Variants in REPS1 observed in about 807,000 individuals in gnomAD.
The protein encoded by REPS1 is ralBP1-associated Eps domain-containing protein 1.
REPS1 carries 39 observed loss-of-function variants against 100.9 expected under a neutral mutation model. The observed-to-expected ratio is 0.39, with a 90% confidence interval of 0.30 to 0.50. The LOEUF (loss-of-function observed/expected upper bound fraction) is 0.50, where lower values mean the gene tolerates loss of function less well. Among genes scored for constraint, REPS1 ranks in the 20% least tolerant of loss-of-function variants. The probability of loss-of-function intolerance (pLI) is 0.86; values close to 1 mark genes in which losing one functional copy is unlikely to be tolerated. For synonymous variants in REPS1, 324 were observed against 340.3 expected (o/e 0.95, Z 0.53); for missense variants, 821 against 968.5 (o/e 0.85, Z 2.02).
At chr6:138,944,115 T>C in intron 5 of REPS1, 100 bp from the exon 6 acceptor site, 1 of 1,097,592 alleles carries the variant, frequency 9.1e-7, no homozygotes, top group South Asian at 1.4e-5. Flanking sequence ...ACTTGCTTTT[T>C]GTGTATATTT....
intron 1 of REPS1, among the ~76,000 whole-genome samples, chr6:138,974,134 G>A (rs185818468): frequency 6.6e-6 from 1 of 151,862 alleles, no homozygotes; most frequent in Non-Finnish European, 1.5e-5. Context: ...TAATTATAGG[G>A]TATTAAATTG....
In REPS1 at chr6:138,945,330, T is replaced by G; in HGVS notation, c.517A>C (p.Thr173Pro). ...TGCTTCCTCCATGTGTGTGGAGAAG[T>G]TGGTGGGGATTGCTGTGGTGAAACT... ...PVVSPQQSPP[T>P]SPHTWRKHSR... Residue 173 changes from threonine to proline, a missense_variant, in exon 4 of 20, where the codon ACT becomes CCT. Thr to Pro is a conservative substitution (Grantham distance 38). Around this residue, in one of 3 missense-constraint regions of REPS1, gnomAD observed 757 missense variants for 866.4 expected, o/e 0.87. Transcript: ENST00000450536. 1 of 1,612,178 alleles carries G rather than the reference T, an allele frequency of 6.2e-7. No individual in the cohort carries two copies. Among genetic ancestry groups the G allele is most frequent in the Non-Finnish European group, 8.5e-7 (1 of 1,179,422 alleles).
At chr6:138,962,525 T>C (rs533059114) in intron 1 of REPS1, among the ~76,000 whole-genome samples, 1 of 152,182 alleles carries the variant, frequency 6.6e-6, no homozygotes, top group African/African-American at 2.4e-5. Flanking sequence ...AAATACATTA[T>C]CTCATCCTTC....
intron 8 of REPS1, among the ~76,000 whole-genome samples, chr6:138,933,503 G>C (rs949815812): frequency 7.2e-5 from 11 of 152,098 alleles, no homozygotes; most frequent in African/African-American, 2.7e-4. Flanking sequence ...TTGTGGGCTA[G>C]TCAAAAATGA....
intron 1 of REPS1, among the ~76,000 whole-genome samples, chr6:138,963,544 C>T (rs528407948): frequency 6.6e-5 from 10 of 152,306 alleles, no homozygotes; most frequent in African/African-American, 2.2e-4. Flanking sequence ...TTGGAAAGAT[C>T]ATGTTCACCA....
intron 8 of REPS1, among the ~76,000 whole-genome samples, chr6:138,940,149 A>ATGCATC (rs1357625626): frequency 1.3e-5 from 2 of 152,216 alleles, no homozygotes; most frequent in African/African-American, 4.8e-5. Flanking sequence ...CAGTAATTTC[A>ATGCATC]TGCATCTGAT....
At chr6:138,969,050 AT>A (rs560828377) in intron 1 of REPS1, among the ~76,000 whole-genome samples, 32 of 152,246 alleles carry the variant, frequency 2.1e-4, no homozygotes, top group Non-Finnish European at 3.1e-4. Context: ...TATTCTCAAT[AT>A]TGTATAGAAT....
chr6:138,906,564 G>C (rs778263144), intron 19 of REPS1, among the ~76,000 whole-genome samples: 5 of 152,226 alleles, frequency 3.3e-5, no homozygotes, highest in Non-Finnish European at 5.9e-5. Context: ...AGGACAGAGA[G>C]ACAAATGTGT....
intron 1 of REPS1, among the ~76,000 whole-genome samples, chr6:138,952,627 T>G (rs1307081339): frequency 6.6e-6 from 1 of 151,968 alleles, no homozygotes; most frequent in Non-Finnish European, 1.5e-5. Context: ...CTTGATCTCC[T>G]GACCTCAAGT....
At chr6:138,944,139 A>C in intron 5 of REPS1, 124 bp from the exon 6 acceptor site, 1 of 884,478 alleles carries the variant, frequency 1.1e-6, no homozygotes, top group Non-Finnish European at 1.8e-6. Flanking sequence ...ATGTAAAACC[A>C]CACATCTGTT....
At chr6:138,917,149 A>G (rs1439903885) in intron 13 of REPS1, among the ~76,000 whole-genome samples, 1 of 152,188 alleles carries the variant, frequency 6.6e-6, no homozygotes, top group Non-Finnish European at 1.5e-5. Context: ...CTGAAAGGTT[A>G]TATGTAACGC....
chr6:138,931,595 CTTTCT>C (rs946069043), intron 8 of REPS1, among the ~76,000 whole-genome samples: 1 of 152,104 alleles, frequency 6.6e-6, no homozygotes, highest in African/African-American at 2.4e-5. Flanking sequence ...GAAATTATTT[CTTTCT>C]TAAGTCCTAT....
intron 1 of REPS1, among the ~76,000 whole-genome samples, chr6:138,954,935 A>G (rs898899802): frequency 5.3e-5 from 8 of 152,112 alleles, no homozygotes; most frequent in African/African-American, 1.9e-4. Flanking sequence ...TTTTTCATAT[A>G]TTACTCAAAG....
intron 14 of REPS1, 39 bp from the exon 15 acceptor site, chr6:138,914,800 T>C (rs1441261327): frequency 5.2e-6 from 8 of 1,527,848 alleles, no homozygotes; most frequent in East Asian, 2.2e-5. Flanking sequence ...AGTAACTGTA[T>C]AATCACTTTG....
chr6:138,961,863 A>G (rs1783760592), intron 1 of REPS1, among the ~76,000 whole-genome samples: 1 of 152,168 alleles, frequency 6.6e-6, no homozygotes. Flanking sequence ...GGAGCAAGCA[A>G]TTAATATGAA....
chr6:138,982,056 G>A lies in REPS1; in HGVS notation c.153+5474C>T, dbSNP rs571545719. On this transcript the variant is annotated intron_variant, in intron 1 of 19. Coordinates refer to ENST00000450536, the MANE Select transcript of REPS1 (RefSeq NM_001286611.2). The stretch of plus-strand genomic sequence containing the variant: ...ATCTTTTTCAACTGTGTATAGGTAA[G>A]TGATTATGGCAAGATTATTTCTGTA... 2.0e-5 allele frequency among the ~76,000 whole-genome samples: 3 copies of A among 152,278 alleles called. No homozygotes were observed. The South Asian group carries it at 6.2e-4, about 32-fold the overall frequency.
At chr6:138,982,866 G>A (rs1305397622) in intron 1 of REPS1, among the ~76,000 whole-genome samples, 1 of 152,200 alleles carries the variant, frequency 6.6e-6, no homozygotes, top group Non-Finnish European at 1.5e-5. Context: ...GTATTTGTGT[G>A]TGCCCTGAAC....
intron 11 of REPS1, 43 bp from the exon 12 acceptor site, chr6:138,920,359 T>A: frequency 9.7e-7 from 1 of 1,032,962 alleles, no homozygotes; most frequent in Non-Finnish European, 1.5e-6. Context: ...CATAGGTATT[T>A]GAACTGATAA....
At chr6:138,955,579 G>C (rs1026728785) in intron 1 of REPS1, among the ~76,000 whole-genome samples, 5 of 151,372 alleles carry the variant, frequency 3.3e-5, no homozygotes, top group Non-Finnish European at 7.4e-5. Context: ...AGACAAGAGA[G>C]GGAAGTTAAT....
Sources: allele counts gnomAD v4.1 joint callset (sites outside exome capture counted in the v4.1 genomes callset), GRCh38; gene constraint gnomAD v4.1.1; regional missense constraint gnomAD v4.1.1; transcripts MANE v1.5; gene names NCBI Gene and HGNC (gene_info 2026-07-23, HGNC 2026-07-21).